DNAJC5: variants seen among roughly 807,000 people sequenced by gnomAD.
DNAJC5 encodes the protein DnaJ heat shock protein family (Hsp40) member C5, also known as dnaJ homolog subfamily C member 5.
Under a neutral mutation model 23.2 loss-of-function variants are expected in DNAJC5, and 1 was observed. That is an observed-to-expected ratio of 0.04 (90% CI 0.02 to 0.20). The LOEUF is 0.20. DNAJC5 is among the 10% of genes least tolerant of loss of function. The probability of loss-of-function intolerance (pLI) is 1.00; values close to 1 mark genes in which losing one functional copy is unlikely to be tolerated. For missense variants in DNAJC5, 180 were observed against 267.0 expected, an observed-to-expected ratio of 0.67 and a Z score of 2.27; for synonymous variants, 136 against 120.0, an observed-to-expected ratio of 1.13 and a Z score of -0.87.
At chr20:63,897,169 C>T (rs570027991) in intron 1 of DNAJC5, among the ~76,000 whole-genome samples, 2 of 152,084 alleles carry the variant, frequency 1.3e-5, no homozygotes, top group African/African-American at 4.8e-5. Flanking sequence ...CTGAGGCGGA[C>T]GGATCACTTG....
chr20:63,928,314 T>C lies in DNAJC5; in HGVS notation c.-11-21T>C, dbSNP rs750580354. 3 of 1,591,130 alleles carry C rather than the reference T, an allele frequency of 1.9e-6. No homozygotes were observed. Among genetic ancestry groups the C allele is most frequent in the African/African-American group, 2.7e-5 (2 of 74,428 alleles). On this transcript the variant is annotated intron_variant, in intron 1 of 4. Transcript: ENST00000360864. This position sits in a 1 kb window ranked among gnomAD's most constrained non-coding sequence, Gnocchi z 4.6. ...CTTTCATCTATACTTTGTGATACTT[T>C]CTTTTTATTTTTTCTTCTAGAATAG...
chr20:63,923,559 T>C (rs1342427885), intron 1 of DNAJC5, among the ~76,000 whole-genome samples: 1 of 152,098 alleles, frequency 6.6e-6, no homozygotes, highest in African/African-American at 2.4e-5. Context: ...ATCCTGACTC[T>C]ATAAAAATTT....
chr20:63,918,796 G>A (rs1233545029), intron 1 of DNAJC5, among the ~76,000 whole-genome samples: 2 of 152,136 alleles, frequency 1.3e-5, no homozygotes, highest in Non-Finnish European at 1.5e-5. Context: ...GGGTTTCACT[G>A]TGTTAGCCAG....
chr20:63,930,564 G>T (rs889994285), intron 3 of DNAJC5, among the ~76,000 whole-genome samples: 5 of 152,174 alleles, frequency 3.3e-5, no homozygotes, highest in Non-Finnish European at 7.4e-5. Flanking sequence ...AGCCAGGATG[G>T]TCTCGATCTC....
intron 3 of DNAJC5, among the ~76,000 whole-genome samples, chr20:63,930,537 CAG>C (rs2053660010): frequency 6.6e-6 from 1 of 152,198 alleles, no homozygotes; most frequent in African/African-American, 2.4e-5. Flanking sequence ...TTAGTAGAGA[CAG>C]GGTTTCACCG....
rs551535570 is a variant in DNAJC5, at chr20:63,900,441, G to A, written c.-12+5118G>A. ...AAACTAGAAACAATTAGCCGGGTAT[G>A]GTGACATGCAGCTGTAGTCCCAGCT... On this transcript the variant is annotated intron_variant, in intron 1 of 4. Transcript: ENST00000360864. Among the ~76,000 whole-genome samples the A allele has an allele frequency of 2.8e-4, 42 of 152,014 alleles. 2 individuals are homozygous for A. In the South Asian group the frequency reaches 8.7e-3, roughly 32 times the overall value.
At chr20:63,906,536 G>T (rs1046407876) in intron 1 of DNAJC5, among the ~76,000 whole-genome samples, 2 of 151,964 alleles carry the variant, frequency 1.3e-5, no homozygotes, top group African/African-American at 4.8e-5. Context: ...TGTAATCCCA[G>T]CATTTTGGGA....
intron 1 of DNAJC5, among the ~76,000 whole-genome samples, chr20:63,915,459 C>T (rs992756867): frequency 1.3e-5 from 2 of 150,128 alleles, no homozygotes; most frequent in African/African-American, 4.9e-5. Flanking sequence ...CATCAAAAGA[C>T]ACACCATAAT....
chr20:63,923,566 A>T (rs556497756), intron 1 of DNAJC5, among the ~76,000 whole-genome samples: 10 of 152,240 alleles, frequency 6.6e-5, no homozygotes, highest in African/African-American at 2.4e-4. Flanking sequence ...CTCTATAAAA[A>T]TTTTAAAAAA....
intron 1 of DNAJC5, among the ~76,000 whole-genome samples, chr20:63,902,675 G>GTT (rs35872737): frequency 0.01 from 1,113 of 108,126 alleles, 48 homozygotes; most frequent in South Asian, 0.035. Context: ...GCCTCATCTT[G>GTT]TTTTTTTTTT....
chr20:63,926,410 G>C (rs2053616820), intron 1 of DNAJC5, among the ~76,000 whole-genome samples: 1 of 152,126 alleles, frequency 6.6e-6, no homozygotes, highest in Admixed American at 6.6e-5. Flanking sequence ...TGATTTCCTT[G>C]CTTGCATTTA....
At chr20:63,899,152 A>G (rs771329583) in intron 1 of DNAJC5, among the ~76,000 whole-genome samples, 6 of 152,274 alleles carry the variant, frequency 3.9e-5, no homozygotes, top group Non-Finnish European at 8.8e-5. Context: ...GGAGGCAGTA[A>G]ATGAAAGGTG....
chr20:63,918,627 G>A (rs1411415312), intron 1 of DNAJC5, among the ~76,000 whole-genome samples: 2 of 152,094 alleles, frequency 1.3e-5, no homozygotes, highest in South Asian at 2.1e-4. Context: ...ACGGAGTCTC[G>A]CTCTGTCACC....
In DNAJC5 at chr20:63,928,827, T is replaced by G. The variant is rs574723429; in HGVS notation, c.107+375T>G. Among the ~76,000 whole-genome samples, 1 of 152,316 alleles carries G rather than the reference T, an allele frequency of 6.6e-6. No homozygotes were observed. Among genetic ancestry groups the G allele is most frequent in the Non-Finnish European group, 1.5e-5 (1 of 68,024 alleles). ...CCTCACTCTGTTGTGGCCTTCTGAT[T>G]GAGCTTGAAGAACTGCACTCTTGGG... is the stretch of plus-strand genomic sequence containing the variant. On this transcript the variant is annotated intron_variant, in intron 2 of 4. Coordinates refer to ENST00000360864, the MANE Select transcript of DNAJC5 (RefSeq NM_025219.3). This position sits in a 1 kb window ranked among gnomAD's most constrained non-coding sequence, Gnocchi z 4.6.
chr20:63,930,854 C>T lies in DNAJC5; in HGVS notation c.325C>T (p.Leu109=), dbSNP rs1232110195. 1 of 1,612,788 alleles carries T rather than the reference C, an allele frequency of 6.2e-7. No individual in the cohort carries two copies. The highest frequency in any genetic ancestry group is 1.1e-5 in the South Asian group (1 of 91,028). The change falls in exon 4 of 5, where the codon CTG becomes TTG. Residue 109 remains leucine (L), a synonymous_variant. Transcript: ENST00000360864. ...CACCACCTTCTTCTCCCCCCAGGCC[C>T]TGTTTGTCTTCTGCGGCCTCCTCAC... ...FVLSSWWAKA[L]FVFCGLLTCC... is the part of the protein sequence containing the mutation.
In DNAJC5 at chr20:63,928,609, G is replaced by A. The variant is rs967953172; in HGVS notation, c.107+157G>A. 5.9e-5 allele frequency among the ~76,000 whole-genome samples: 9 copies of A among 152,200 alleles called. No homozygotes were observed. Among genetic ancestry groups the A allele is most frequent in the Non-Finnish European group, 1.2e-4 (8 of 68,034 alleles). ...TCGGTAACACCTTTGTATGTGTAAT[G>A]TGCTCCTTATAGCTTAAAGTTATGG... On this transcript the variant is annotated intron_variant, in intron 2 of 4. Transcript: ENST00000360864. This position sits in a 1 kb window ranked among gnomAD's most constrained non-coding sequence, Gnocchi z 4.6.
chr20:63,918,417 A>C (rs1329721444), intron 1 of DNAJC5, among the ~76,000 whole-genome samples: 3 of 152,218 alleles, frequency 2.0e-5, no homozygotes, highest in Non-Finnish European at 4.4e-5. Context: ...AGCTCAAAAA[A>C]TTAAAACTAA....
At chr20:63,915,402 T>C (rs925079455) in intron 1 of DNAJC5, among the ~76,000 whole-genome samples, 3 of 148,936 alleles carry the variant, frequency 2.0e-5, no homozygotes, top group Non-Finnish European at 3.0e-5. Flanking sequence ...TTTAATGTTA[T>C]ATGTTTTTTA....
rs1387723252 is a variant in DNAJC5, at chr20:63,920,472, A to T, written c.-11-7863A>T. Reference sequence around the variant, plus strand: ...CAGGCTACAGCCAGGGCTGTGAAGGAGCCGAGGTCATAGAGTGGCTGCCCT... The same window carrying T: ...CAGGCTACAGCCAGGGCTGTGAAGGTGCCGAGGTCATAGAGTGGCTGCCCT... On this transcript the variant is annotated intron_variant, in intron 1 of 4. Transcript: ENST00000360864. The surrounding 1 kb of genome is among the most constrained non-coding windows in gnomAD (Gnocchi z 4.6). Among the ~76,000 whole-genome samples, 1 of 152,120 alleles carries T rather than the reference A, an allele frequency of 6.6e-6. No individual in the cohort carries two copies. The highest frequency in any genetic ancestry group is 2.4e-5 in the African/African-American group (1 of 41,444).
Sources: gnomAD v4.1 joint callset for allele counts (sites outside exome capture counted in the v4.1 genomes callset) on GRCh38, gnomAD v4.1.1 for gene constraint, Gnocchi (gnomAD v3.1) non-coding constraint, MANE v1.5 for transcripts, NCBI Gene and HGNC (gene_info 2026-07-23, HGNC 2026-07-21) for gene names.